FAM228B: variants seen among roughly 807,000 people sequenced by gnomAD.
The protein encoded by FAM228B is protein FAM228B.
A neutral mutation model predicts 42.6 loss-of-function variants in FAM228B; 38 were observed. That is an observed-to-expected ratio of 0.89 (90% CI 0.69 to 1.17). The LOEUF is 1.17. Ranked by LOEUF, FAM228B falls within the 50% of genes most tolerant of loss-of-function variation. The pLI is 0.00. For missense variants in FAM228B, 344 were observed against 367.3 expected (o/e 0.94, Z 0.52); for synonymous variants, 109 against 122.3 (o/e 0.89, Z 0.72).
chr2:24,135,389 C>T (rs755157420), intron 3 of FAM228B, among the ~76,000 whole-genome samples: 1 of 152,176 alleles, frequency 6.6e-6, no homozygotes, highest in African/African-American at 2.4e-5. Context: ...TGTGGGAATT[C>T]CTTTGCAGAG....
chr2:24,094,082 CA>C (rs1665449728), intron 2 of FAM228B, among the ~76,000 whole-genome samples: 1 of 139,880 alleles, frequency 7.1e-6, no homozygotes, highest in Admixed American at 8.1e-5. Flanking sequence ...CTGTGTCACC[CA>C]GGCTGGAGTG....
At chr2:24,155,500 C>A (rs1667113168) in intron 7 of FAM228B, among the ~76,000 whole-genome samples, 1 of 84,110 alleles carries the variant, frequency 1.2e-5, no homozygotes, top group Non-Finnish European at 2.5e-5. Context: ...CATTGAAGAC[C>A]ATGCATATAT....
intron 5 of FAM228B, chr2:24,142,672 T>C (rs906004216): frequency 9.2e-5 from 14 of 152,244 alleles, no homozygotes; most frequent in Middle Eastern, 6.3e-3. Flanking sequence ...TGGCGGATAT[T>C]TTCTGGAAAA....
intron 1 of FAM228B, among the ~76,000 whole-genome samples, chr2:24,078,271 GTTCT>G (rs910504920): frequency 6.6e-5 from 10 of 150,686 alleles, no homozygotes; most frequent in Admixed American, 2.6e-4. Flanking sequence ...CAAATTTATT[GTTCT>G]TTGTCTAAAA....
In FAM228B at chr2:24,137,981, G is replaced by A. The variant is rs1356437262; in HGVS notation, c.241G>A (p.Val81Ile). Reference sequence around the variant, plus strand: ...AAAGGAGATGTTATATAAAAGATGGGTTGACTGTGTGGCAGATCCTCTTCA... The same window carrying A: ...AAAGGAGATGTTATATAAAAGATGGATTGACTGTGTGGCAGATCCTCTTCA... ...RRKEMLYKRW[V>I]DCVADPLQKK... is the part of the protein sequence containing the mutation. The change falls in exon 4 of 11, where the codon GTT becomes ATT. Residue 81 changes from valine to isoleucine, a missense_variant. By Grantham distance (29) the Val-to-Ile change is conservative. Transcript: ENST00000615575. The A allele has an allele frequency of 6.5e-7, 1 of 1,548,408 alleles. No individual in the cohort carries two copies. The highest frequency in any genetic ancestry group is 1.4e-5 in the African/African-American group (1 of 72,782).
At chr2:24,144,283 A>T (rs976705818) in intron 5 of FAM228B, among the ~76,000 whole-genome samples, 2 of 152,022 alleles carry the variant, frequency 1.3e-5, no homozygotes, top group Non-Finnish European at 2.9e-5. Flanking sequence ...TACAAAAAAA[A>T]TTAAAAACTA....
chr2:24,077,838 G>A lies in FAM228B; in HGVS notation c.-290+869G>A. The A allele has an allele frequency of 1.3e-6, 2 of 1,506,564 alleles. No homozygotes were observed. The highest frequency in any genetic ancestry group is 1.8e-6 in the Non-Finnish European group (2 of 1,114,666). 93.3% of individuals were successfully genotyped at this position (1,506,564 alleles called of 1,614,324 possible). A position where few individuals can be genotyped will look rare whatever the true frequency, so the allele number is the denominator to read the frequency against. On this transcript the variant is annotated intron_variant, in intron 1 of 10. Transcript: ENST00000613899. This position sits in a 1 kb window ranked among gnomAD's most constrained non-coding sequence, Gnocchi z 5.5. The stretch of plus-strand genomic sequence containing the variant: ...CCTCCTCATCCTCCTCAGCCTTCTT[G>A]CTCTCTCTGAAGCCACGTATCTGAA...
chr2:24,140,236 G>A (rs1666711947), intron 5 of FAM228B, among the ~76,000 whole-genome samples: 1 of 152,182 alleles, frequency 6.6e-6, no homozygotes, highest in Non-Finnish European at 1.5e-5. Flanking sequence ...GAGTGCAGTG[G>A]CGCGATCTCT....
chr2:24,131,724 T>C (rs1378326371), intron 2 of FAM228B, among the ~76,000 whole-genome samples: 1 of 152,234 alleles, frequency 6.6e-6, no homozygotes, highest in Non-Finnish European at 1.5e-5. Context: ...TTCAGGAGCT[T>C]TTGGCCTGAG....
In FAM228B at chr2:24,077,305, GA is replaced by G. The variant is rs1316147643; in HGVS notation, c.-290+338del. 1.2e-5 allele frequency: 4 copies of G among 324,684 alleles called. No homozygotes were observed. The East Asian group carries it at 1.6e-4, about 13-fold the overall frequency. 20.1% of individuals were successfully genotyped at this position (324,684 alleles called of 1,614,324 possible). A position where few individuals can be genotyped will look rare whatever the true frequency, so the allele number is the denominator to read the frequency against. On this transcript the variant is annotated intron_variant, in intron 1 of 10. Transcript: ENST00000613899. This position sits in a 1 kb window ranked among gnomAD's most constrained non-coding sequence, Gnocchi z 5.5. ...ACGGCTGACGCTGTAACTATACCCA[GA>G]ATCTCCGTCCCTGGAGGGGCCCTCA... is the stretch of plus-strand genomic sequence containing the variant.
intron 3 of FAM228B, among the ~76,000 whole-genome samples, chr2:24,102,182 T>C (rs1665622393): frequency 6.6e-6 from 1 of 152,234 alleles, no homozygotes; most frequent in African/African-American, 2.4e-5. Flanking sequence ...GCTTCAGTTT[T>C]GTTGAAAGTA....
rs550611220 is a variant in FAM228B at position 24,093,398 on chromosome 2, G to A, written c.-209-1743G>A. ...CTCCCACTTATGAGTGAGAACATGC[G>A]CTATTTGGTTTTCTCTTCCTGTGTT... On this transcript the variant is annotated intron_variant, in intron 2 of 10. Transcript: ENST00000613899. Among the ~76,000 whole-genome samples, 25 of 151,998 alleles carry A rather than the reference G, an allele frequency of 1.6e-4. No homozygotes were observed. In the East Asian group the frequency reaches 3.7e-3, roughly 22 times the overall value.
At chr2:24,141,290 T>C (rs995127793) in intron 5 of FAM228B, among the ~76,000 whole-genome samples, 2 of 152,022 alleles carry the variant, frequency 1.3e-5, no homozygotes, top group Non-Finnish European at 2.9e-5. Flanking sequence ...GTCACCCAGG[T>C]TGGAGTGCAG....
At chr2:24,166,080 T>TATATATA (rs1667404382) in intron 9 of FAM228B, 1 of 145,194 alleles carries the variant, frequency 6.9e-6, no homozygotes, top group African/African-American at 2.5e-5. Context: ...TATGTATGTA[T>TATATATA]TCACATATAT....
intron 3 of FAM228B, among the ~76,000 whole-genome samples, chr2:24,111,115 T>C (rs531239368): frequency 6.6e-6 from 1 of 152,144 alleles, no homozygotes; most frequent in East Asian, 1.9e-4. Context: ...GGCTAGAATA[T>C]AGTGGCATGA....
chr2:24,141,005 T>C (rs983226616), intron 5 of FAM228B, among the ~76,000 whole-genome samples: 10 of 151,650 alleles, frequency 6.6e-5, no homozygotes, highest in African/African-American at 2.4e-4. Context: ...TGAAAAAATA[T>C]AATTGCATTG....
chr2:24,086,823 C>T (rs570403353), intron 2 of FAM228B, among the ~76,000 whole-genome samples: 3 of 152,126 alleles, frequency 2.0e-5, no homozygotes, highest in Non-Finnish European at 2.9e-5. Context: ...ACACATCATC[C>T]GGATACACAT....
intron 10 of FAM228B, 116 bp downstream of exon 10, chr2:24,167,799 G>T: frequency 8.1e-7 from 1 of 1,233,700 alleles, no homozygotes; most frequent in Non-Finnish European, 1.1e-6. Context: ...AGAAATAATG[G>T]GTGGGTAGGA....
chr2:24,143,286 T>C (rs1036577116), intron 5 of FAM228B, among the ~76,000 whole-genome samples: 1 of 152,100 alleles, frequency 6.6e-6, no homozygotes, highest in Non-Finnish European at 1.5e-5. Context: ...GTTCACACCA[T>C]TCTCCTGCCT....
Sources: allele counts gnomAD v4.1 joint callset (sites outside exome capture counted in the v4.1 genomes callset), GRCh38; gene constraint gnomAD v4.1.1; non-coding constraint Gnocchi (gnomAD v3.1); transcripts MANE v1.5; gene names NCBI Gene and HGNC (gene_info 2026-07-23, HGNC 2026-07-21).